The following RAB5A variants were observed in gnomAD, a reference collection of about 807,000 sequenced individuals.
The protein encoded by RAB5A is ras-related protein Rab-5A.
In RAB5A, 8 loss-of-function variants were observed where a neutral mutation model predicts 25.7. That is an observed-to-expected ratio of 0.31 (90% CI 0.18 to 0.56). The LOEUF (loss-of-function observed/expected upper bound fraction) is 0.56, where lower values mean the gene tolerates loss of function less well. Among genes scored for constraint, RAB5A ranks in the 20% least tolerant of loss-of-function variants. The probability of loss-of-function intolerance (pLI) is 0.91; values close to 1 mark genes in which losing one functional copy is unlikely to be tolerated. For missense variants in RAB5A, 192 were observed against 259.7 expected, an observed-to-expected ratio of 0.74 and a Z score of 1.79; for synonymous variants, 98 against 89.8, an observed-to-expected ratio of 1.09 and a Z score of -0.52.
chr3:19,962,810 C>T (rs936412629), intron 2 of RAB5A, among the ~76,000 whole-genome samples: 2 of 143,528 alleles, frequency 1.4e-5, no homozygotes. Context: ...TGTTTGGTTT[C>T]TCTTTTCTTT....
At chr3:19,978,877 A>G (rs1393925343) in intron 5 of RAB5A, 1 of 152,518 alleles carries the variant, frequency 6.6e-6, no homozygotes, top group Non-Finnish European at 1.5e-5. Flanking sequence ...ATTTCAAAGC[A>G]TAGAGGCGTA....
rs370982573 is a variant in RAB5A, at chr3:19,949,034, A to T, written c.-94+1513A>T. 1.2e-4 allele frequency among the ~76,000 whole-genome samples: 19 copies of T among 152,326 alleles called. No individual in the cohort carries two copies. In the South Asian group the frequency reaches 2.3e-3, roughly 18 times the overall value. On this transcript the variant is annotated intron_variant, in intron 1 of 5. Coordinates refer to ENST00000273047, the MANE Select transcript of RAB5A (RefSeq NM_004162.5). ...ACATGTATTGTTTTATTTAATTGTC[A>T]CATCAGCTATGCAAGTTAGATATTA...
chr3:19,964,143 G>A (rs1048250909), intron 2 of RAB5A, among the ~76,000 whole-genome samples: 1 of 152,152 alleles, frequency 6.6e-6, no homozygotes, highest in Non-Finnish European at 1.5e-5. Flanking sequence ...TAGCTTGGGC[G>A]CTATCCTTGC....
chr3:19,967,535 A>G (rs151063128), intron 2 of RAB5A, among the ~76,000 whole-genome samples: 1 of 152,174 alleles, frequency 6.6e-6, no homozygotes, highest in Non-Finnish European at 1.5e-5. Context: ...CCCTTATCAG[A>G]TGCTCATTGA....
intron 2 of RAB5A, among the ~76,000 whole-genome samples, chr3:19,958,320 A>T (rs1696535394): frequency 1.3e-5 from 2 of 152,178 alleles, no homozygotes; most frequent in African/African-American, 4.8e-5. Context: ...TTACCCAGAG[A>T]AGTTGGTAGA....
At chr3:19,980,075 C>T (rs1027083789) in intron 5 of RAB5A, 1 of 152,132 alleles carries the variant, frequency 6.6e-6, no homozygotes, top group Non-Finnish European at 1.5e-5. Flanking sequence ...CTGAAAAACT[C>T]AAGTTTGCAG....
chr3:19,951,185 C>T (rs1696417290), intron 2 of RAB5A, 124 bp downstream of exon 2: 2 of 1,108,294 alleles, frequency 1.8e-6, no homozygotes, highest in Non-Finnish European at 2.5e-6. Context: ...AAGAGCTGTT[C>T]AGCTTACCTT....
chr3:19,978,007 T>A (rs2125131356), intron 4 of RAB5A, among the ~76,000 whole-genome samples: 1 of 152,346 alleles, frequency 6.6e-6, no homozygotes, highest in South Asian at 2.1e-4. Flanking sequence ...TTATTTAGAA[T>A]AAGATAATTC....
At chr3:19,969,029 TG>T (rs773267817) in intron 2 of RAB5A, among the ~76,000 whole-genome samples, 1,260 of 115,852 alleles carry the variant, frequency 0.011, 27 homozygotes, top group African/African-American at 0.044. Context: ...TTTTTGGTTT[TG>T]GTTTTTTTTT....
At chr3:19,971,784 G>C (rs1284391824) in intron 2 of RAB5A, among the ~76,000 whole-genome samples, 2 of 152,078 alleles carry the variant, frequency 1.3e-5, no homozygotes, top group African/African-American at 4.8e-5. Context: ...CCAGTACAGT[G>C]TTATCAGGTG....
At chr3:19,951,229 G>T in intron 2 of RAB5A, 168 bp downstream of exon 2, 3 of 655,742 alleles carry the variant, frequency 4.6e-6, no homozygotes, top group Non-Finnish European at 7.2e-6. Context: ...TTGTTAAAAT[G>T]ATGTGTTTTT....
At chr3:19,980,445 A>ATTTTTT (rs11441052) in intron 5 of RAB5A, among the ~76,000 whole-genome samples, 56 of 147,998 alleles carry the variant, frequency 3.8e-4, no homozygotes, top group Non-Finnish European at 5.1e-4. Flanking sequence ...AGGTTAGTAA[A>ATTTTTT]TTTTTTTTTC....
chr3:19,951,957 GT>G (rs1559485168), intron 2 of RAB5A, among the ~76,000 whole-genome samples: 3 of 152,014 alleles, frequency 2.0e-5, no homozygotes, highest in African/African-American at 4.8e-5. Context: ...ACTGACAAGG[GT>G]GGTTATGGTG....
chr3:19,979,133 C>T (rs191674283), intron 5 of RAB5A, among the ~76,000 whole-genome samples: 3 of 152,154 alleles, frequency 2.0e-5, no homozygotes, highest in East Asian at 3.9e-4. Flanking sequence ...CACACCACCA[C>T]GCCCAGCTAA....
intron 5 of RAB5A, chr3:19,980,227 CTG>C (rs1363648409): frequency 6.6e-6 from 1 of 152,210 alleles, no homozygotes; most frequent in Admixed American, 6.5e-5. Flanking sequence ...TCAGCCTGCA[CTG>C]TAAACCTTTC....
In RAB5A at chr3:19,978,446, C is replaced by T. The variant is rs1351186019; in HGVS notation, c.532+43C>T. 5 of 1,423,602 alleles carry T rather than the reference C, an allele frequency of 3.5e-6. No individual in the cohort carries two copies. The South Asian group carries it at 5.9e-5, about 17-fold the overall frequency. The allele number at this position is 1,423,602 out of a possible 1,614,324, so 88.2% of individuals were successfully genotyped here. A position where few individuals can be genotyped will look rare whatever the true frequency, so the allele number is the denominator to read the frequency against. On this transcript the variant is annotated intron_variant, in intron 5 of 5. Coordinates refer to ENST00000273047, the MANE Select transcript of RAB5A (RefSeq NM_004162.5). ...TTTTAAATGATCAATATAAGCAAAACAAGTGTGAAGCATATTTGGTTTGAC... is the reference window on the plus strand; with the variant it reads ...TTTTAAATGATCAATATAAGCAAAATAAGTGTGAAGCATATTTGGTTTGAC...
chr3:19,969,044 G>GTTTTTTTT (rs746635502), intron 2 of RAB5A, among the ~76,000 whole-genome samples: 9 of 65,554 alleles, frequency 1.4e-4, no homozygotes, highest in Non-Finnish European at 2.4e-4. Flanking sequence ...TTTTTTTTTT[G>GTTTTTTTT]GTTTTTTTTT....
chr3:19,965,432 A>C (rs926814124), intron 2 of RAB5A, among the ~76,000 whole-genome samples: 2 of 152,050 alleles, frequency 1.3e-5, no homozygotes, highest in Admixed American at 6.6e-5. Context: ...AAAAAAAAAA[A>C]AAAACTTAGG....
In RAB5A at chr3:19,978,105, A is replaced by G. The variant is rs564588141; in HGVS notation, c.439-205A>G. Among the ~76,000 whole-genome samples the G allele has an allele frequency of 3.9e-5, 6 of 152,330 alleles. No homozygotes were observed. The East Asian group carries it at 1.2e-3, about 29-fold the overall frequency. On this transcript the variant is annotated intron_variant, in intron 4 of 5. Coordinates refer to ENST00000273047, the MANE Select transcript of RAB5A (RefSeq NM_004162.5). ...TGGGATAATGCAAGAATTTCAGACA[A>G]AAAAGGAAATAGTCCATTATAAAAT...
Sources: allele counts gnomAD v4.1 joint callset (sites outside exome capture counted in the v4.1 genomes callset), GRCh38; gene constraint gnomAD v4.1.1; transcripts MANE v1.5; gene names NCBI Gene and HGNC (gene_info 2026-07-23, HGNC 2026-07-21).